SSH2: variants seen among roughly 807,000 people sequenced by gnomAD.
SSH2 encodes the protein slingshot protein phosphatase 2, also known as protein phosphatase Slingshot homolog 2.
In SSH2, 37 loss-of-function variants were observed where a neutral mutation model predicts 135.2. The observed-to-expected ratio is 0.27, with a 90% CI of 0.21 to 0.36. The LOEUF (loss-of-function observed/expected upper bound fraction) is 0.36. Ranked by LOEUF, SSH2 falls within the 10% of genes least tolerant of loss-of-function variation. The pLI, the probability that SSH2 is intolerant of heterozygous loss-of-function variation, is 1.00. For missense variants in SSH2, 1,408 were observed against 1,765.3 expected (o/e 0.80, Z 3.63); for synonymous variants, 628 against 646.2 (o/e 0.97, Z 0.43).
At chr17:29,879,498 C>T (rs563343861) in intron 1 of SSH2, among the ~76,000 whole-genome samples, 1 of 151,986 alleles carries the variant, frequency 6.6e-6, no homozygotes, top group Admixed American at 6.6e-5. Flanking sequence ...TAGCCTCCCC[C>T]ATTATCAACA....
At chr17:29,713,459 C>CT (rs200362927) in intron 3 of SSH2, among the ~76,000 whole-genome samples, 41 of 151,300 alleles carry the variant, frequency 2.7e-4, no homozygotes, top group South Asian at 4.2e-4. Flanking sequence ...CTTTTTCTTT[C>CT]TTTTTTTTTA....
intron 1 of SSH2, among the ~76,000 whole-genome samples, chr17:29,874,251 A>C (rs1018976802): frequency 8.2e-6 from 1 of 122,630 alleles, no homozygotes; most frequent in Non-Finnish European, 1.6e-5. Context: ...CAATTGTGCC[A>C]CTGCACTCCA....
chr17:29,691,681 G>A (rs909808065), intron 5 of SSH2, among the ~76,000 whole-genome samples: 3 of 151,508 alleles, frequency 2.0e-5, no homozygotes, highest in Non-Finnish European at 4.4e-5. Context: ...TAGTAGAGAC[G>A]GGGTTTCGCC....
In SSH2 at chr17:29,630,955, A is replaced by G; in HGVS notation, c.4239T>C (p.Ala1413=). Residue 1413 remains alanine, a synonymous_variant, in exon 16 of 16, where the codon GCT becomes GCC. Transcript: ENST00000540801. ...QTQGLQCACP[A]PGLAVAPRQQ... The stretch of plus-strand genomic sequence containing the variant: ...GACGGGGTGCCACGGCCAGCCCTGG[A>G]GCTGGGCATGCACACTGCAGTCCCT... 2.5e-6 allele frequency: 4 copies of G among 1,611,000 alleles called. No individual in the cohort carries two copies. Among genetic ancestry groups the G allele is most frequent in the Non-Finnish European group, 3.4e-6 (4 of 1,177,338 alleles).
intron 3 of SSH2, among the ~76,000 whole-genome samples, chr17:29,751,141 C>T (rs761284215): frequency 7.3e-5 from 11 of 151,100 alleles, no homozygotes; most frequent in Non-Finnish European, 7.4e-5. Flanking sequence ...GTAGGCCAGG[C>T]GCAGTGGCTC....
intron 2 of SSH2, among the ~76,000 whole-genome samples, chr17:29,837,009 C>A (rs1300580656): frequency 6.6e-6 from 1 of 152,148 alleles, no homozygotes; most frequent in Admixed American, 6.5e-5. Context: ...ATAATCTCAG[C>A]ACTTTGGGAG....
intron 3 of SSH2, among the ~76,000 whole-genome samples, chr17:29,781,108 G>C (rs1210094960): frequency 6.6e-6 from 1 of 152,176 alleles, no homozygotes; most frequent in Non-Finnish European, 1.5e-5. Flanking sequence ...ACGGCGCCCG[G>C]CCTTTTTCTC....
intron 3 of SSH2, among the ~76,000 whole-genome samples, chr17:29,717,008 A>G (rs184654293): frequency 6.6e-6 from 1 of 152,298 alleles, no homozygotes; most frequent in East Asian, 1.9e-4. Context: ...TCAGTTTCTA[A>G]GACATTAAGT....
At chr17:29,816,500 G>C (rs1417236195) in intron 2 of SSH2, among the ~76,000 whole-genome samples, 1 of 152,080 alleles carries the variant, frequency 6.6e-6, no homozygotes, top group African/African-American at 2.4e-5. Context: ...TTAAAATCAA[G>C]CCTGTGTTTA....
intron 2 of SSH2, among the ~76,000 whole-genome samples, chr17:29,835,572 A>T (rs2151372520): frequency 6.6e-6 from 1 of 152,312 alleles, no homozygotes; most frequent in Admixed American, 6.5e-5. Flanking sequence ...AGTTCAAGTA[A>T]GACCAGGAAG....
At chr17:29,826,640 T>C (rs970293569) in intron 2 of SSH2, among the ~76,000 whole-genome samples, 2 of 152,200 alleles carry the variant, frequency 1.3e-5, no homozygotes, top group Non-Finnish European at 2.9e-5. Flanking sequence ...TGTGTGGTGG[T>C]AAGATGACCA....
intron 2 of SSH2, among the ~76,000 whole-genome samples, chr17:29,794,957 C>CT (rs2042132557): frequency 6.6e-6 from 1 of 152,182 alleles, no homozygotes; most frequent in Non-Finnish European, 1.5e-5. Flanking sequence ...AATTTGCTCC[C>CT]TGACAATTTG....
intron 3 of SSH2, among the ~76,000 whole-genome samples, chr17:29,778,814 AC>A (rs2151284378): frequency 8.3e-6 from 1 of 120,050 alleles, no homozygotes; most frequent in African/African-American, 3.5e-5. Flanking sequence ...AGCCTGGGTG[AC>A]AGAGTGAGCC....
At chr17:29,757,236 T>C (rs890365417) in intron 3 of SSH2, among the ~76,000 whole-genome samples, 2 of 152,228 alleles carry the variant, frequency 1.3e-5, no homozygotes, top group Non-Finnish European at 2.9e-5. Flanking sequence ...GAAATAACAC[T>C]TCCCTTTAGG....
At chr17:29,688,613 C>T (rs988961487) in intron 5 of SSH2, among the ~76,000 whole-genome samples, 1 of 152,016 alleles carries the variant, frequency 6.6e-6, no homozygotes, top group African/African-American at 2.4e-5. Flanking sequence ...CACAAGTGCC[C>T]GCCACCATGC....
rs190775730 is a variant in SSH2, at chr17:29,853,379, G to A, written c.64-4450C>T. On this transcript the variant is annotated intron_variant, in intron 1 of 15. Coordinates refer to ENST00000540801, the MANE Select transcript of SSH2 (RefSeq NM_001282129.2). ...GGATTACAGGCATGAGCCACCGCGCGCGGCCTAGGTGGGCTTAATTATACA... is the reference window on the plus strand; with the variant it reads ...GGATTACAGGCATGAGCCACCGCGCACGGCCTAGGTGGGCTTAATTATACA... Among the ~76,000 whole-genome samples, 353 of 151,618 alleles carry A rather than the reference G, an allele frequency of 2.3e-3. 10 individuals are homozygous for A. The highest frequency in any genetic ancestry group is 7.9e-3 in the African/African-American group (325 of 41,182).
rs753889713 is a variant in SSH2, at chr17:29,761,057, ATTGT to A, written c.188+32833_188+32836del. 462 of 1,243,256 alleles carry A rather than the reference ATTGT, an allele frequency of 3.7e-4. 1 individual carries two copies. The highest frequency in any genetic ancestry group is 4.7e-4 in the Non-Finnish European group (444 of 951,814). 77.0% of individuals were successfully genotyped at this position (1,243,256 alleles called of 1,614,324 possible). A position where few individuals can be genotyped will look rare whatever the true frequency, so the allele number is the denominator to read the frequency against. On this transcript the variant is annotated intron_variant, in intron 3 of 15. Transcript: ENST00000540801. ...CAGGATGCGCGCTCGCCCTCGCTTG[ATTGT>A]TTGCTCCCCAGGATGCTGGGGAAAG...
chr17:29,875,545 A>G (rs890455323), intron 1 of SSH2, among the ~76,000 whole-genome samples: 4 of 152,148 alleles, frequency 2.6e-5, no homozygotes, highest in Non-Finnish European at 5.9e-5. Flanking sequence ...GGTCACTCCC[A>G]TGTTGAAAAC....
chr17:29,635,866 C>T lies in SSH2; in HGVS notation c.2262+102G>A, dbSNP rs1014129057. On this transcript the variant is annotated intron_variant, in intron 15 of 15. Transcript: ENST00000540801. Reference sequence around the variant, plus strand: ...TTAAACCCTAAGTTTTCAAAGAAAACCTCAGCCAGACTCTCCATCAAAAAC... The same window carrying T: ...TTAAACCCTAAGTTTTCAAAGAAAATCTCAGCCAGACTCTCCATCAAAAAC... The T allele has an allele frequency of 3.2e-6, 3 of 952,082 alleles. No homozygotes were observed. In the African/African-American group the frequency reaches 4.9e-5, roughly 16 times the overall value. The allele number at this position is 952,082 out of a possible 1,614,324, so 59.0% of individuals were successfully genotyped here.
Sources: allele counts gnomAD v4.1 joint callset (sites outside exome capture counted in the v4.1 genomes callset), GRCh38; gene constraint gnomAD v4.1.1; transcripts MANE v1.5; gene names NCBI Gene and HGNC (gene_info 2026-07-23, HGNC 2026-07-21).